Variants in TRHDE observed in about 807,000 individuals in gnomAD.
TRHDE encodes thyrotropin releasing hormone degrading enzyme, also known as thyrotropin-releasing hormone-degrading ectoenzyme.
Under a neutral mutation model 125.7 loss-of-function variants are expected in TRHDE, and 72 were observed. That is an observed-to-expected ratio of 0.57 (90% CI 0.47 to 0.70). The LOEUF is 0.70. Ranked by LOEUF, TRHDE falls within the 30% of genes least tolerant of loss-of-function variation. TRHDE has a pLI of 0.00. For synonymous variants in TRHDE, 509 were observed against 509.1 expected, an observed-to-expected ratio of 1.00 and a Z score of 0.00; for missense variants, 1,110 against 1,327.1, an observed-to-expected ratio of 0.84 and a Z score of 2.54.
intron 2 of TRHDE, among the ~76,000 whole-genome samples, chr12:72,245,185 A>G (rs1416640635): frequency 1.3e-5 from 2 of 151,990 alleles, no homozygotes; most frequent in Admixed American, 6.6e-5. Context: ...CTGACTTACC[A>G]TACCCATGGT....
At position 72,571,207 on chromosome 12, in the gene TRHDE, C is replaced by T. The variant is rs188805756; in HGVS notation, c.2131+2551C>T. Among the ~76,000 whole-genome samples the T allele has an allele frequency of 1.1e-4, 16 of 152,214 alleles. No homozygotes were observed. The East Asian group carries it at 2.5e-3, about 24-fold the overall frequency. ...TGTTTCCTTTTGTGTGTTGTCCCATCTCCTCTTTTTCAAGATATTGTCAAC... is the reference window on the plus strand; with the variant it reads ...TGTTTCCTTTTGTGTGTTGTCCCATTTCCTCTTTTTCAAGATATTGTCAAC... On this transcript the variant is annotated intron_variant, in intron 10 of 18. Transcript: ENST00000261180.
At chr12:72,566,026 A>G (rs12298959) in intron 9 of TRHDE, among the ~76,000 whole-genome samples, 40,459 of 151,928 alleles carry the variant, frequency 0.27, 8,135 homozygotes, top group African/African-American at 0.54. Context: ...GCTTTTCACT[A>G]AACTATGTTT....
At chr12:72,486,439 A>AGAT (rs1453813401) in intron 5 of TRHDE, among the ~76,000 whole-genome samples, 1 of 152,202 alleles carries the variant, frequency 6.6e-6, no homozygotes, top group East Asian at 1.9e-4. Context: ...ACTGTAGGGA[A>AGAT]GATAAGAAGA....
At chr12:72,363,210 C>T (rs1490693723) in intron 2 of TRHDE, among the ~76,000 whole-genome samples, 2 of 151,882 alleles carry the variant, frequency 1.3e-5, no homozygotes, top group South Asian at 2.1e-4. Flanking sequence ...GGAACTGGTA[C>T]CATTCCTTCT....
intron 2 of TRHDE, among the ~76,000 whole-genome samples, chr12:72,370,142 T>G (rs1220167426): frequency 6.6e-6 from 1 of 152,186 alleles, no homozygotes; most frequent in Non-Finnish European, 1.5e-5. Context: ...TGGAGTGAGA[T>G]ACTGGGAGTA....
chr12:72,170,453 A>G (rs1876846588), intron 2 of TRHDE, among the ~76,000 whole-genome samples: 1 of 152,180 alleles, frequency 6.6e-6, no homozygotes, highest in Non-Finnish European at 1.5e-5. Context: ...ACAGCTGACT[A>G]TCATTAAACT....
intron 1 of TRHDE, among the ~76,000 whole-genome samples, chr12:72,096,422 A>C (rs182054257): frequency 3.9e-5 from 6 of 152,324 alleles, no homozygotes; most frequent in Non-Finnish European, 7.3e-5. Flanking sequence ...TTTCTTCCTC[A>C]GTTATGGAGA....
At chr12:72,218,743 T>G (rs1877945073) in intron 2 of TRHDE, among the ~76,000 whole-genome samples, 1 of 152,154 alleles carries the variant, frequency 6.6e-6, no homozygotes, top group Non-Finnish European at 1.5e-5. Flanking sequence ...CCTTCCCATC[T>G]GTGACTCAGT....
intron 1 of TRHDE, among the ~76,000 whole-genome samples, chr12:72,277,827 A>G (rs959008341): frequency 6.6e-6 from 1 of 152,164 alleles, no homozygotes; most frequent in African/African-American, 2.4e-5. Flanking sequence ...TTTCAAATTA[A>G]TTGACATAAA....
intron 3 of TRHDE, among the ~76,000 whole-genome samples, chr12:72,463,812 T>C (rs766864533): frequency 4.6e-5 from 7 of 152,188 alleles, no homozygotes; most frequent in Admixed American, 2.0e-4. Context: ...TTAGAGTGCA[T>C]TTCTAGCTTA....
At position 72,558,042 on chromosome 12, in the gene TRHDE, G is replaced by GGA. The variant is rs140602723; in HGVS notation, c.1789-4104_1789-4103dup. Among the ~76,000 whole-genome samples, 397 of 149,672 alleles carry GGA rather than the reference G, an allele frequency of 2.7e-3. 2 individuals carry two copies. Among genetic ancestry groups the GGA allele is most frequent in the African/African-American group, 8.6e-3 (353 of 40,868 alleles). ...TGGAGAGAGAGGACAGGGAGAGAGA[G>GGA]GAGAGAGAGAGAGAGAGAGAAAGCA... On this transcript the variant is annotated intron_variant, in intron 7 of 18. Transcript: ENST00000261180.
At chr12:72,089,291 C>A (rs746963047) in intron 1 of TRHDE, among the ~76,000 whole-genome samples, 2 of 152,148 alleles carry the variant, frequency 1.3e-5, no homozygotes, top group Admixed American at 1.3e-4. Context: ...CAAGCTTGAG[C>A]CTGCCAGAGA....
intron 2 of TRHDE, among the ~76,000 whole-genome samples, chr12:72,126,647 C>A (rs1875720318): frequency 6.6e-6 from 1 of 152,128 alleles, no homozygotes; most frequent in Non-Finnish European, 1.5e-5. Flanking sequence ...AGCTGGTTAG[C>A]CCTACTCAGA....
intron 2 of TRHDE, among the ~76,000 whole-genome samples, chr12:72,154,765 T>G (rs557631464): frequency 1.2e-4 from 19 of 152,268 alleles, no homozygotes; most frequent in Admixed American, 5.9e-4. Flanking sequence ...AGAGATCAGC[T>G]GTTAGTCTGA....
At chr12:72,156,875 C>T (rs1269505871) in intron 2 of TRHDE, among the ~76,000 whole-genome samples, 1 of 152,136 alleles carries the variant, frequency 6.6e-6, no homozygotes, top group East Asian at 1.9e-4. Context: ...GAAGTCCTTG[C>T]CCTTTTAAAG....
At chr12:72,470,831 C>T (rs978378920) in intron 4 of TRHDE, among the ~76,000 whole-genome samples, 28 of 145,756 alleles carry the variant, frequency 1.9e-4, no homozygotes, top group East Asian at 2.1e-4. Context: ...TGAAGTGATC[C>T]GGGTCAGACG....
At chr12:72,566,327 T>C (rs1870440242) in intron 9 of TRHDE, among the ~76,000 whole-genome samples, 1 of 151,098 alleles carries the variant, frequency 6.6e-6, no homozygotes, top group Non-Finnish European at 1.5e-5. Context: ...AATTTTTTTT[T>C]TAAGTTTTAA....
intron 3 of TRHDE, among the ~76,000 whole-genome samples, chr12:72,392,706 A>G (rs943458722): frequency 1.3e-5 from 2 of 152,204 alleles, no homozygotes; most frequent in African/African-American, 4.8e-5. Flanking sequence ...TGACCCATGG[A>G]CTACAGTTTG....
chr12:72,526,347 C>T (rs1011241033), intron 6 of TRHDE, among the ~76,000 whole-genome samples: 17 of 152,070 alleles, frequency 1.1e-4, no homozygotes, highest in African/African-American at 4.1e-4. Flanking sequence ...TTTTTCTTAG[C>T]CACTCACACA....
Sources: allele counts gnomAD v4.1 joint callset (sites outside exome capture counted in the v4.1 genomes callset), GRCh38; gene constraint gnomAD v4.1.1; transcripts MANE v1.5; gene names NCBI Gene and HGNC (gene_info 2026-07-23, HGNC 2026-07-21).